The following LARGE1 variants were observed in gnomAD, a reference collection of about 807,000 sequenced individuals.
LARGE1 encodes LARGE xylosyl- and glucuronyltransferase 1.
A neutral mutation model predicts 87.6 loss-of-function variants in LARGE1; 43 were observed. The observed-to-expected ratio is 0.49, with a 90% CI of 0.38 to 0.63. LARGE1 has a LOEUF of 0.63. Ranked by LOEUF, LARGE1 falls within the 30% of genes least tolerant of loss-of-function variation. LARGE1 has a pLI of 0.00. For missense variants in LARGE1, 802 were observed against 1,000.2 expected (o/e 0.80, Z 2.67); for synonymous variants, 434 against 394.6 (o/e 1.10, Z -1.18).
chr22:33,727,751 A>G (rs1376478506), intron 2 of LARGE1: 1 of 152,292 alleles, frequency 6.6e-6, no homozygotes, highest in Non-Finnish European at 1.5e-5. Context: ...ATACTGGCTG[A>G]TAAGGCTGGG....
intron 4 of LARGE1, among the ~76,000 whole-genome samples, chr22:33,612,717 G>C (rs1403179585): frequency 2.6e-5 from 4 of 152,352 alleles, no homozygotes; most frequent in African/African-American, 9.6e-5. Flanking sequence ...GACTGGGCTA[G>C]AATGTGTGAG....
At chr22:33,658,710 CCA>C (rs1215768710) in intron 2 of LARGE1, among the ~76,000 whole-genome samples, 2 of 152,074 alleles carry the variant, frequency 1.3e-5, no homozygotes, top group Admixed American at 6.6e-5. Context: ...TGGGTTGATT[CCA>C]GTCTTTGCTA....
At chr22:33,175,488 A>T (rs1384674119) in intron 11 of LARGE1, among the ~76,000 whole-genome samples, 1 of 152,166 alleles carries the variant, frequency 6.6e-6, no homozygotes, top group Non-Finnish European at 1.5e-5. Context: ...TGCAAAAATC[A>T]CAAGCATTCC....
chr22:33,791,189 A>G (rs2085811766), intron 1 of LARGE1, among the ~76,000 whole-genome samples: 1 of 152,224 alleles, frequency 6.6e-6, no homozygotes, highest in Non-Finnish European at 1.5e-5. Context: ...TTTGTGCTGT[A>G]CACTGGAAAG....
intron 1 of LARGE1, among the ~76,000 whole-genome samples, chr22:33,822,655 G>A (rs1368716064): frequency 1.3e-5 from 2 of 152,104 alleles, no homozygotes; most frequent in African/African-American, 4.8e-5. Context: ...CCGAGATCAC[G>A]CCACTGCATT....
rs115190241 is a variant in LARGE1, at chr22:33,814,956, C to T, written c.-82-53398G>A. 2.2e-3 allele frequency among the ~76,000 whole-genome samples: 328 copies of T among 152,318 alleles called. 1 individual carries two copies. Among genetic ancestry groups the T allele is most frequent in the African/African-American group, 7.0e-3 (290 of 41,574 alleles). On this transcript the variant is annotated intron_variant, in intron 1 of 14. Transcript: ENST00000397394. ...GTGCAAGGAACACACAGACATTAAACGACAAGGCCATAATTTAGACTCATA... is the reference window on the plus strand; with the variant it reads ...GTGCAAGGAACACACAGACATTAAATGACAAGGCCATAATTTAGACTCATA...
intron 6 of LARGE1, among the ~76,000 whole-genome samples, chr22:33,534,539 G>C (rs5999000): frequency 0.11 from 17,323 of 152,194 alleles, 1,298 homozygotes; most frequent in Admixed American, 0.24. Context: ...CATGGGAAAT[G>C]TAAGAGCAAA....
intron 6 of LARGE1, among the ~76,000 whole-genome samples, chr22:33,466,295 G>T (rs2068604693): frequency 1.3e-5 from 2 of 151,694 alleles, no homozygotes; most frequent in Admixed American, 1.3e-4. Flanking sequence ...TCCCTGCCCT[G>T]CCTTACTCTT....
intron 1 of LARGE1, among the ~76,000 whole-genome samples, chr22:33,805,042 T>C (rs1342146334): frequency 6.6e-6 from 1 of 152,220 alleles, no homozygotes; most frequent in African/African-American, 2.4e-5. Context: ...CTTGTTTCTC[T>C]TGCAATCTTC....
chr22:33,738,091 T>C (rs1303926150), intron 2 of LARGE1, among the ~76,000 whole-genome samples: 11 of 152,210 alleles, frequency 7.2e-5, no homozygotes, highest in African/African-American at 2.4e-4. Flanking sequence ...TTTCTTACAA[T>C]AATACATGTA....
At chr22:33,579,624 C>T (rs754539066) in intron 5 of LARGE1, among the ~76,000 whole-genome samples, 8 of 152,180 alleles carry the variant, frequency 5.3e-5, no homozygotes, top group Non-Finnish European at 8.8e-5. Context: ...GGGCGCACTA[C>T]TGGGCCTACC....
chr22:33,382,764 C>T (rs1261217730), intron 8 of LARGE1, among the ~76,000 whole-genome samples: 2 of 152,122 alleles, frequency 1.3e-5, no homozygotes, highest in South Asian at 2.1e-4. Flanking sequence ...CATGGGCATA[C>T]AATTGCTAGC....
chr22:33,890,272 G>A (rs953262727), intron 1 of LARGE1, among the ~76,000 whole-genome samples: 4 of 152,266 alleles, frequency 2.6e-5, no homozygotes, highest in Non-Finnish European at 4.4e-5. Flanking sequence ...GATGCAAGGC[G>A]GGGCTCACAC....
intron 1 of LARGE1, among the ~76,000 whole-genome samples, chr22:33,868,462 G>C (rs930711958): frequency 2.0e-5 from 3 of 152,102 alleles, no homozygotes; most frequent in Admixed American, 2.0e-4. Context: ...ACCTGGTGGG[G>C]AGGACAGGGC....
At chr22:33,403,006 T>C (rs762544512) in intron 7 of LARGE1, among the ~76,000 whole-genome samples, 7 of 152,196 alleles carry the variant, frequency 4.6e-5, no homozygotes, top group East Asian at 1.9e-4. Context: ...CTGATGCCTA[T>C]GGGGTGATGT....
At chr22:33,326,156 G>A (rs1290485431) in intron 10 of LARGE1, among the ~76,000 whole-genome samples, 1 of 152,188 alleles carries the variant, frequency 6.6e-6, no homozygotes, top group African/African-American at 2.4e-5. Context: ...GGAGGTAGGG[G>A]GCTGCATTCA....
chr22:33,354,523 C>T (rs1170090516), intron 9 of LARGE1, among the ~76,000 whole-genome samples: 9 of 152,248 alleles, frequency 5.9e-5, no homozygotes, highest in Admixed American at 1.3e-4. Context: ...TCACAGTTTC[C>T]GTTAACCTAT....
At chr22:33,243,748 C>G (rs1484405863) in intron 11 of LARGE1, among the ~76,000 whole-genome samples, 1 of 152,094 alleles carries the variant, frequency 6.6e-6, no homozygotes, top group Non-Finnish European at 1.5e-5. Flanking sequence ...GTTCTTATTT[C>G]TTTTGGATAA....
chr22:33,646,720 C>T (rs994674710), intron 3 of LARGE1, among the ~76,000 whole-genome samples: 3 of 152,158 alleles, frequency 2.0e-5, no homozygotes, highest in Admixed American at 6.5e-5. Flanking sequence ...CAGTGGTTTC[C>T]TTTTTTTGTT....
Sources: allele counts gnomAD v4.1 joint callset (sites outside exome capture counted in the v4.1 genomes callset), GRCh38; gene constraint gnomAD v4.1.1; transcripts MANE v1.5; gene names NCBI Gene and HGNC (gene_info 2026-07-23, HGNC 2026-07-21).